The following ZNF540 variants were observed in gnomAD, a reference collection of about 807,000 sequenced individuals.
ZNF540 encodes the protein zinc finger protein 540, also known as CTD-3064H18.6.
ZNF540 carries 3 observed loss-of-function variants against 11.8 expected under a neutral mutation model. That is an observed-to-expected ratio of 0.25 (90% CI 0.12 to 0.65). The LOEUF (loss-of-function observed/expected upper bound fraction) is 0.65. Ranked by LOEUF, ZNF540 falls within the 30% of genes least tolerant of loss-of-function variation. The pLI is 0.83. For synonymous variants in ZNF540, 247 were observed against 259.0 expected, an observed-to-expected ratio of 0.95 and a Z score of 0.45; for missense variants, 709 against 793.1, an observed-to-expected ratio of 0.89 and a Z score of 1.27.
chr19:37,565,115 T>C (rs1411882106), intron 1 of ZNF540: 3 of 1,613,266 alleles, frequency 1.9e-6, no homozygotes, highest in African/African-American at 2.7e-5. Context: ...ATGAATTCTC[T>C]GATGTTCACT....
chr19:37,607,728 T>G (rs992114879), intron 4 of ZNF540, among the ~76,000 whole-genome samples: 32 of 152,250 alleles, frequency 2.1e-4, no homozygotes, highest in African/African-American at 7.2e-4. Flanking sequence ...CATCTTGGTT[T>G]TTTTTAAGTA....
chr19:37,603,344 A>G (rs1404740307), intron 4 of ZNF540, among the ~76,000 whole-genome samples: 1 of 152,172 alleles, frequency 6.6e-6, no homozygotes, highest in African/African-American at 2.4e-5. Context: ...AAATGATTCT[A>G]TAGAAAGGGG....
At chr19:37,598,853 G>A (rs1201859220) in intron 2 of ZNF540, among the ~76,000 whole-genome samples, 5 of 152,158 alleles carry the variant, frequency 3.3e-5, no homozygotes, top group Non-Finnish European at 7.3e-5. Flanking sequence ...GTATGTGGTT[G>A]GGGCCTGCTT....
intron 1 of ZNF540, among the ~76,000 whole-genome samples, chr19:37,553,900 T>G (rs2042634131): frequency 6.6e-6 from 1 of 152,244 alleles, no homozygotes; most frequent in Admixed American, 6.5e-5. Flanking sequence ...TTACTCATAT[T>G]TAACTTTTCT....
At chr19:37,576,042 TACACACAC>T (rs34837052) in intron 1 of ZNF540, among the ~76,000 whole-genome samples, 2 of 148,940 alleles carry the variant, frequency 1.3e-5, no homozygotes, top group East Asian at 2.0e-4. Context: ...CATACATGCA[TACACACAC>T]ACACACACAC....
At chr19:37,605,740 AT>A (rs1405159663) in intron 4 of ZNF540, among the ~76,000 whole-genome samples, 4 of 152,110 alleles carry the variant, frequency 2.6e-5, no homozygotes, top group Admixed American at 6.5e-5. Flanking sequence ...AACCTGTTGT[AT>A]TGTCAGTCAT....
chr19:37,602,640 C>T (rs1014913882), intron 4 of ZNF540, among the ~76,000 whole-genome samples: 6 of 152,102 alleles, frequency 3.9e-5, no homozygotes, highest in African/African-American at 9.7e-5. Flanking sequence ...AGGCCCAGGG[C>T]ACTCTATTCA....
chr19:37,554,925 G>A (rs2042643864), intron 1 of ZNF540: 1 of 152,172 alleles, frequency 6.6e-6, no homozygotes, highest in African/African-American at 2.4e-5. Context: ...CAATTTTACA[G>A]AAATAAAGTA....
chr19:37,577,657 A>G (rs1051906259), intron 1 of ZNF540, among the ~76,000 whole-genome samples: 1 of 152,236 alleles, frequency 6.6e-6, no homozygotes, highest in Non-Finnish European at 1.5e-5. Flanking sequence ...GAGAAGATCC[A>G]TGAGTAGAAG....
At chr19:37,559,057 T>C (rs913787682) in intron 1 of ZNF540, among the ~76,000 whole-genome samples, 1 of 152,018 alleles carries the variant, frequency 6.6e-6, no homozygotes, top group Non-Finnish European at 1.5e-5. Flanking sequence ...TTGCCAAGGC[T>C]GGTCTCAAAC....
At chr19:37,582,262 C>T (rs1309399341) in intron 1 of ZNF540, among the ~76,000 whole-genome samples, 1 of 152,116 alleles carries the variant, frequency 6.6e-6, no homozygotes, top group Non-Finnish European at 1.5e-5. Context: ...TCAGGGTCAC[C>T]AACACCCTTC....
chr19:37,554,108 A>AC (rs2042636203), intron 1 of ZNF540, among the ~76,000 whole-genome samples: 5 of 152,210 alleles, frequency 3.3e-5, no homozygotes, highest in Non-Finnish European at 7.3e-5. Flanking sequence ...CATAGTGAGC[A>AC]TAGTAGCTGA....
chr19:37,598,066 A>G (rs1278876011), intron 1 of ZNF540, among the ~76,000 whole-genome samples: 2 of 152,192 alleles, frequency 1.3e-5, no homozygotes, highest in African/African-American at 4.8e-5. Context: ...AGGGAAGAGA[A>G]TCTACTCTGG....
chr19:37,591,349 G>C (rs1299968251), upstream of ZNF540, among the ~76,000 whole-genome samples: 1 of 152,120 alleles, frequency 6.6e-6, no homozygotes, highest in African/African-American at 2.4e-5. Context: ...GAACTGCCTG[G>C]AAAGGACTAC....
chr19:37,565,294 A>T (rs1238810586), intron 1 of ZNF540: 3 of 1,610,790 alleles, frequency 1.9e-6, no homozygotes, highest in African/African-American at 2.7e-5. Context: ...GGTGGTAAGT[A>T]AGTTGTGAGC....
chr19:37,563,726 A>ATTC (rs2042752234), intron 1 of ZNF540: 8 of 144,478 alleles, frequency 5.5e-5, no homozygotes, highest in African/African-American at 2.0e-4. Flanking sequence ...TGGAATACAT[A>ATTC]CACGTGGAAT....
At chr19:37,565,410 A>G (rs1296164817) in intron 1 of ZNF540, 2 of 1,613,568 alleles carry the variant, frequency 1.2e-6, no homozygotes, top group Non-Finnish European at 1.7e-6. Flanking sequence ...GCTTTCCCAC[A>G]TTCTTTACAT....
Position 37,612,231 on chromosome 19 carries a change from T to C in ZNF540, c.951T>C (p.His317=), listed in dbSNP as rs1189502760. ...AACTTATTTTCTACTTTAAAGAACA[T>C]GAGAGAATTCATACAGGTAAGAAAC... ...VFQLIFYFKE[H]ERIHTGKKPY... Residue 317 remains histidine (H), a synonymous_variant, in exon 5 of 5, where the codon CAT becomes CAC. Coordinates refer to ENST00000316433, the MANE Select transcript of ZNF540 (RefSeq NM_001172225.3). 8.7e-6 allele frequency: 14 copies of C among 1,613,548 alleles called. No individual in the cohort carries two copies. The highest frequency in any genetic ancestry group is 1.2e-5 in the Non-Finnish European group (14 of 1,179,982).
chr19:37,569,537 T>C lies in ZNF540; in HGVS notation c.-73+17872T>C, dbSNP rs1330698736. Among the ~76,000 whole-genome samples the C allele has an allele frequency of 6.6e-6, 1 of 152,224 alleles. No homozygotes were observed. Among genetic ancestry groups the C allele is most frequent in the Non-Finnish European group, 1.5e-5 (1 of 68,034 alleles). ...AAGGATGTCATAAAATTATCTTTGC[T>C]ATATGTATTATATATTCATATTTTG... is the stretch of plus-strand genomic sequence containing the variant. On this transcript the variant is annotated intron_variant, in intron 1 of 4. Coordinates refer to the ZNF540 transcript ENST00000592533. The surrounding 1 kb of genome is among the most constrained non-coding windows in gnomAD (Gnocchi z 4.4).
Sources: gnomAD v4.1 joint callset for allele counts (sites outside exome capture counted in the v4.1 genomes callset) on GRCh38, gnomAD v4.1.1 for gene constraint, Gnocchi (gnomAD v3.1) non-coding constraint, MANE v1.5 for transcripts, NCBI Gene and HGNC (gene_info 2026-07-23, HGNC 2026-07-21) for gene names.